Variants in STPG2 observed in about 807,000 individuals in gnomAD.
STPG2 encodes sperm-tail PG-rich repeat-containing protein 2.
Under a neutral mutation model 54.2 loss-of-function variants are expected in STPG2, and 56 were observed. The ratio of observed to expected loss-of-function variants is 1.03; its 90% CI spans 0.83 to 1.29. The LOEUF is 1.29. Ranked by LOEUF, STPG2 falls within the 50% of genes most tolerant of loss-of-function variation. The pLI, the probability that STPG2 is intolerant of heterozygous loss-of-function variation, is 0.00. For synonymous variants in STPG2, 200 were observed against 181.8 expected (o/e 1.10, Z -0.81); for missense variants, 596 against 544.9 (o/e 1.09, Z -0.93).
At chr4:97,455,726 T>C (rs957323924) in intron 4 of STPG2, among the ~76,000 whole-genome samples, 5 of 152,190 alleles carry the variant, frequency 3.3e-5, no homozygotes, top group African/African-American at 1.2e-4. Flanking sequence ...GTCCTTGCAA[T>C]GAGGCAGAGG....
At chr4:98,139,380 A>G (rs1184229747) in intron 1 of STPG2, among the ~76,000 whole-genome samples, 1 of 152,176 alleles carries the variant, frequency 6.6e-6, no homozygotes, top group African/African-American at 2.4e-5. Flanking sequence ...ATCTGTATCT[A>G]AGGCTCTAAG....
intron 10 of STPG2, among the ~76,000 whole-genome samples, chr4:97,604,683 G>A (rs7677552): frequency 0.035 from 5,236 of 151,646 alleles, 304 homozygotes; most frequent in African/African-American, 0.12. Context: ...AAGAAATAAG[G>A]CTTTAGAATG....
At chr4:97,770,430 C>T (rs1353941347) in intron 9 of STPG2, among the ~76,000 whole-genome samples, 1 of 152,036 alleles carries the variant, frequency 6.6e-6, no homozygotes, top group Non-Finnish European at 1.5e-5. Flanking sequence ...AAAGAACTGC[C>T]ATGTGCCTAG....
intron 9 of STPG2, among the ~76,000 whole-genome samples, chr4:97,767,004 C>A (rs1726075122): frequency 1.3e-5 from 2 of 151,678 alleles, no homozygotes; most frequent in Non-Finnish European, 2.9e-5. Flanking sequence ...AAAATCTGAA[C>A]AAGATTTTCT....
intron 10 of STPG2, among the ~76,000 whole-genome samples, chr4:97,627,407 A>T (rs1270906241): frequency 6.6e-6 from 1 of 152,154 alleles, no homozygotes; most frequent in African/African-American, 2.4e-5. Context: ...AACTGTTTTT[A>T]AAAAATGAAA....
intron 10 of STPG2, among the ~76,000 whole-genome samples, chr4:97,701,610 G>C (rs192578230): frequency 1.3e-4 from 20 of 152,288 alleles, no homozygotes; most frequent in African/African-American, 4.8e-4. Context: ...GCTCAAGTCT[G>C]GAAATTGATT....
chr4:97,588,498 T>G (rs145076741), intron 10 of STPG2, among the ~76,000 whole-genome samples: 233 of 152,144 alleles, frequency 1.5e-3, no homozygotes, highest in African/African-American at 5.5e-3. Context: ...TGAAAAGATA[T>G]TCTACCTTTA....
At chr4:97,550,790 T>C (rs1180523383) in intron 4 of STPG2, among the ~76,000 whole-genome samples, 1 of 151,974 alleles carries the variant, frequency 6.6e-6, no homozygotes, top group African/African-American at 2.4e-5. Context: ...ACTTCAGGAG[T>C]GAAGCCACAG....
intron 9 of STPG2, among the ~76,000 whole-genome samples, chr4:97,734,901 T>C (rs1170755942): frequency 6.6e-6 from 1 of 151,788 alleles, no homozygotes; most frequent in East Asian, 1.9e-4. Context: ...TGAAACCCCA[T>C]CTCTACTAAA....
At chr4:97,491,603 G>A (rs1730504873) in intron 4 of STPG2, among the ~76,000 whole-genome samples, 1 of 151,504 alleles carries the variant, frequency 6.6e-6, no homozygotes, top group African/African-American at 2.4e-5. Context: ...AGAAGGGATA[G>A]GAGAATGCTT....
intron 9 of STPG2, among the ~76,000 whole-genome samples, chr4:97,833,395 T>C (rs1728530273): frequency 1.3e-5 from 2 of 151,942 alleles, no homozygotes; most frequent in Non-Finnish European, 2.9e-5. Context: ...CTTAAAACCA[T>C]AAAAACCCCA....
At chr4:98,078,947 T>C (rs979460865) in intron 5 of STPG2, among the ~76,000 whole-genome samples, 2 of 152,184 alleles carry the variant, frequency 1.3e-5, no homozygotes, top group Non-Finnish European at 1.5e-5. Flanking sequence ...ATTTATGATG[T>C]AGAAGCACGA....
chr4:97,697,677 T>C (rs536368343), intron 10 of STPG2, among the ~76,000 whole-genome samples: 2 of 152,066 alleles, frequency 1.3e-5, no homozygotes, highest in Non-Finnish European at 2.9e-5. Context: ...ATAAACAAAA[T>C]CCCTGCAGCA....
At chr4:97,566,480 C>T (rs994460884) in intron 10 of STPG2, among the ~76,000 whole-genome samples, 18 of 152,134 alleles carry the variant, frequency 1.2e-4, no homozygotes, top group African/African-American at 2.4e-4. Context: ...CCTAGTGAGA[C>T]GAACCCGGTA....
intron 5 of STPG2, among the ~76,000 whole-genome samples, chr4:98,076,338 A>G (rs892033320): frequency 2.0e-5 from 3 of 151,988 alleles, no homozygotes; most frequent in African/African-American, 7.3e-5. Context: ...TTAATCTGTA[A>G]AAGTCTTTCA....
chr4:97,819,344 C>T (rs1345736443), intron 9 of STPG2, among the ~76,000 whole-genome samples: 2 of 152,040 alleles, frequency 1.3e-5, no homozygotes, highest in African/African-American at 2.4e-5. Flanking sequence ...TTTTACACAA[C>T]AGTGATTTTT....
intron 8 of STPG2, among the ~76,000 whole-genome samples, chr4:97,929,435 C>A (rs952125956): frequency 2.0e-5 from 3 of 152,082 alleles, no homozygotes; most frequent in African/African-American, 7.2e-5. Flanking sequence ...GTTTTTAGAT[C>A]TTTGGGGAAT....
chr4:97,895,961 A>G (rs1284468730), intron 8 of STPG2, among the ~76,000 whole-genome samples: 1 of 151,776 alleles, frequency 6.6e-6, no homozygotes, highest in Non-Finnish European at 1.5e-5. Context: ...AAGGCTAAAC[A>G]TCCCTGCTTT....
chr4:98,003,056 T>A (rs896858938), intron 5 of STPG2, among the ~76,000 whole-genome samples: 2 of 152,108 alleles, frequency 1.3e-5, no homozygotes, highest in Admixed American at 1.3e-4. Context: ...TCTTGCTAGC[T>A]TCTACTTAAT....
Sources: allele counts gnomAD v4.1 joint callset (sites outside exome capture counted in the v4.1 genomes callset), GRCh38; gene constraint gnomAD v4.1.1; transcripts MANE v1.5; gene names NCBI Gene and HGNC (gene_info 2026-07-23, HGNC 2026-07-21).